The following CLHC1 variants were observed in gnomAD, a reference collection of about 807,000 sequenced individuals.
CLHC1 encodes clathrin heavy chain linker domain containing 1, also known as clathrin heavy chain linker domain-containing protein 1.
In CLHC1, 72 loss-of-function variants were observed where a neutral mutation model predicts 69.5. The ratio of observed to expected loss-of-function variants is 1.04; its 90% CI spans 0.86 to 1.26. The LOEUF is 1.26. CLHC1 is among the 50% of genes most tolerant of loss of function. The pLI is 0.00. For missense variants in CLHC1, 790 were observed against 679.3 expected, an observed-to-expected ratio of 1.16 and a Z score of -1.81; for synonymous variants, 223 against 224.3, an observed-to-expected ratio of 0.99 and a Z score of 0.05.
At chr2:55,190,194 A>G (rs367552047) in intron 9 of CLHC1, among the ~76,000 whole-genome samples, 186 of 150,712 alleles carry the variant, frequency 1.2e-3, no homozygotes, top group African/African-American at 4.4e-3. Flanking sequence ...ACAGGCGCCC[A>G]CCACCACACC....
intron 9 of CLHC1, among the ~76,000 whole-genome samples, chr2:55,193,720 A>G (rs146797990): frequency 2.9e-4 from 44 of 152,322 alleles, no homozygotes; most frequent in African/African-American, 9.1e-4. Context: ...AATTCCTCAA[A>G]GTGTTAATAC....
chr2:55,218,888 C>A (rs888355203), intron 3 of CLHC1, among the ~76,000 whole-genome samples: 3 of 152,198 alleles, frequency 2.0e-5, no homozygotes, highest in Non-Finnish European at 4.4e-5. Flanking sequence ...ATTATGCTTT[C>A]TATTCCTGCT....
At chr2:55,212,855 G>C (rs371409378) in intron 4 of CLHC1, 49 bp from the exon 5 acceptor site, 10 of 1,410,320 alleles carry the variant, frequency 7.1e-6, no homozygotes, top group Admixed American at 1.7e-5. Context: ...CTTAATTCTT[G>C]AACCACAAAA....
chr2:55,180,555 G>T lies in CLHC1; in HGVS notation c.1339C>A (p.His447Asn). The T allele has an allele frequency of 6.2e-7, 1 of 1,614,052 alleles. No homozygotes were observed. The highest frequency in any genetic ancestry group is 8.5e-7 in the Non-Finnish European group (1 of 1,179,982). ...ILCLCKQGQT[H>N]RVMEYIQQLK... ...TGCTGTATGTACTCCATGACCCTAT[G>T]AGTCTGACCCTGTTTACACAAGCAA... Residue 447 changes from histidine (H) to asparagine (N), a missense_variant, in exon 11 of 13, where the codon CAT (histidine) becomes AAT (asparagine). Transcript: ENST00000401408.
rs191698596 is a variant in CLHC1 at position 55,227,724 on chromosome 2, G to A, written c.-83+308C>T. ...GATAAAAGTCAAAAGAGGAAGAAAC[G>A]GGTGTTATCATTAGAGAGGGGGTAG... On this transcript the variant is annotated intron_variant, in intron 2 of 12. Transcript: ENST00000401408. Among the ~76,000 whole-genome samples the A allele has an allele frequency of 2.1e-3, 312 of 151,318 alleles. 1 individual carries two copies. The highest frequency in any genetic ancestry group is 3.5e-3 in the Non-Finnish European group (239 of 67,802).
At chr2:55,223,189 G>C (rs949617227) in intron 2 of CLHC1, among the ~76,000 whole-genome samples, 1 of 151,926 alleles carries the variant, frequency 6.6e-6, no homozygotes, top group African/African-American at 2.4e-5. Flanking sequence ...TTACGACCCC[G>C]GCGCTTATCT....
chr2:55,182,515 T>C (rs1253393628), intron 9 of CLHC1, among the ~76,000 whole-genome samples: 1 of 152,196 alleles, frequency 6.6e-6, no homozygotes, highest in South Asian at 2.1e-4. Flanking sequence ...ATTTTCCTTT[T>C]TGTGAGCAGA....
At chr2:55,218,023 G>A in intron 3 of CLHC1, 25 bp from the exon 4 acceptor site, 3 of 1,292,432 alleles carry the variant, frequency 2.3e-6, no homozygotes, top group South Asian at 2.2e-5. Flanking sequence ...TTCTGCCTAT[G>A]GTATTGATTT....
At chr2:55,201,709 CAGAAA>C (rs915824971) in intron 9 of CLHC1, among the ~76,000 whole-genome samples, 12 of 151,988 alleles carry the variant, frequency 7.9e-5, no homozygotes, top group African/African-American at 2.2e-4. Context: ...AAAGACACAT[CAGAAA>C]AGAAAACTAC....
intron 10 of CLHC1, among the ~76,000 whole-genome samples, 158 bp from the exon 11 acceptor site, chr2:55,180,870 G>T (rs1031575147): frequency 6.6e-6 from 1 of 152,120 alleles, no homozygotes; most frequent in Non-Finnish European, 1.5e-5. Context: ...TAATTGAAAT[G>T]ATTACTTGTC....
chr2:55,199,681 G>A (rs1218527534), intron 9 of CLHC1, among the ~76,000 whole-genome samples: 1 of 151,920 alleles, frequency 6.6e-6, no homozygotes, highest in East Asian at 1.9e-4. Flanking sequence ...TTATAATAAT[G>A]GGTTATAAGA....
rs757178355 is a variant in CLHC1 at position 55,177,719 on chromosome 2, C to G, written c.1447G>C (p.Glu483Gln). Residue 483 changes from glutamate (E) to glutamine (Q), a missense_variant, in exon 12 of 13, where the codon GAG becomes CAG. By Grantham distance (29) the Glu-to-Gln change is conservative. Transcript: ENST00000401408. The stretch of plus-strand genomic sequence containing the variant: ...AAAGATGGTTGTTTCTCATTCAACT[C>G]TTTAGTGAGACACTGAATTAATTCA... ...QVELIQCLTK[E>Q]LNEKQPSLSF... is the part of the protein sequence containing the mutation. 1.9e-6 allele frequency: 3 copies of G among 1,612,948 alleles called. No individual in the cohort carries two copies. The highest frequency in any genetic ancestry group is 2.5e-6 in the Non-Finnish European group (3 of 1,179,270).
At position 55,217,982 on chromosome 2, in the gene CLHC1, G is replaced by A; in HGVS notation, c.194C>T (p.Thr65Ile). Reference sequence around the variant, plus strand: ...TGAAGTAAGAATGGATTTGTATGCAGTGATATGCTCTATTACCTGAAATAT... The same window carrying A: ...TGAAGTAAGAATGGATTTGTATGCAATGATATGCTCTATTACCTGAAATAT... ...NVFDKVIEHI[T>I]AYKSILTSIK... The change falls in exon 4 of 13, where the codon ACT becomes ATT. Residue 65 changes from threonine (T) to isoleucine (I), a missense_variant. Transcript: ENST00000401408. 2 of 1,547,502 alleles carry A rather than the reference G, an allele frequency of 1.3e-6. No individual in the cohort carries two copies. Among genetic ancestry groups the A allele is most frequent in the Non-Finnish European group, 1.7e-6 (2 of 1,146,030 alleles).
rs1228132353 is a variant in CLHC1, at chr2:55,175,018, C to T, written c.*772G>A. The T allele has an allele frequency of 6.6e-6, 1 of 152,092 alleles. No homozygotes were observed. The highest frequency in any genetic ancestry group is 1.9e-4 in the East Asian group (1 of 5,192). The allele number at this position is 152,092 out of a possible 1,614,324, so 9.4% of individuals were successfully genotyped here. On this transcript the variant is annotated 3_prime_UTR_variant, in exon 13 of 13. Transcript: ENST00000401408. Reference sequence around the variant, plus strand: ...TGTTCTGATTAATTAGGTATCTGTTCTGCTTGATTTGTGCCCATGCCATAC... The same window carrying T: ...TGTTCTGATTAATTAGGTATCTGTTTTGCTTGATTTGTGCCCATGCCATAC...
At chr2:55,207,870 A>T (rs913967181) in intron 8 of CLHC1, among the ~76,000 whole-genome samples, 1 of 152,208 alleles carries the variant, frequency 6.6e-6, no homozygotes, top group Non-Finnish European at 1.5e-5. Flanking sequence ...CATTTTGTTA[A>T]TGTTATTGTC....
chr2:55,175,773 C>T lies in CLHC1; in HGVS notation c.*17G>A. 6.2e-7 allele frequency: 1 copy of T among 1,601,436 alleles called. No homozygotes were observed. Among genetic ancestry groups the T allele is most frequent in the Non-Finnish European group, 8.5e-7 (1 of 1,170,178 alleles). The stretch of plus-strand genomic sequence containing the variant: ...TAAGGTGTTGTACAAGCTCCCTCAG[C>T]TGGTTAAGATATAGAACTACCAAAA... On this transcript the variant is annotated 3_prime_UTR_variant, in exon 13 of 13. Coordinates refer to ENST00000401408, the MANE Select transcript of CLHC1 (RefSeq NM_152385.4).
chr2:55,230,913 G>C (rs906637839), intron 1 of CLHC1, among the ~76,000 whole-genome samples: 1 of 152,176 alleles, frequency 6.6e-6, no homozygotes, highest in Non-Finnish European at 1.5e-5. Context: ...GCAACTCTAG[G>C]AAATTTTGTT....
intron 12 of CLHC1, 43 bp downstream of exon 12, chr2:55,177,559 A>G (rs764443223): frequency 4.2e-6 from 6 of 1,424,508 alleles, no homozygotes; most frequent in Non-Finnish European, 5.7e-6. Flanking sequence ...CTCTCCCTAG[A>G]TAACCCACTA....
intron 4 of CLHC1, among the ~76,000 whole-genome samples, chr2:55,216,618 C>G (rs573718280): frequency 5.3e-5 from 8 of 151,960 alleles, no homozygotes; most frequent in African/African-American, 1.9e-4. Flanking sequence ...TCATTTGTAT[C>G]CATCTCTCAA....
Sources: allele counts gnomAD v4.1 joint callset (sites outside exome capture counted in the v4.1 genomes callset), GRCh38; gene constraint gnomAD v4.1.1; transcripts MANE v1.5; gene names NCBI Gene and HGNC (gene_info 2026-07-23, HGNC 2026-07-21).